Variants in IQCJ observed in about 807,000 individuals in gnomAD.
IQCJ encodes the protein IQ motif containing J, also known as IQ domain-containing protein J.
A neutral mutation model predicts 11.0 loss-of-function variants in IQCJ; 9 were observed. That is an observed-to-expected ratio of 0.82 (90% CI 0.49 to 1.43). The LOEUF is 1.43. IQCJ is among the 40% of genes most tolerant of loss of function. IQCJ has a pLI of 0.00. For missense variants in IQCJ, 146 were observed against 133.2 expected, an observed-to-expected ratio of 1.10 and a Z score of -0.47; for synonymous variants, 55 against 51.3, an observed-to-expected ratio of 1.07 and a Z score of -0.31.
chr3:159,219,595 AAG>A (rs1295672557), intron 1 of IQCJ, among the ~76,000 whole-genome samples: 1 of 152,216 alleles, frequency 6.6e-6, no homozygotes, highest in African/African-American at 2.4e-5. Context: ...GTTACTTGAA[AAG>A]AGAGTCAATT....
chr3:159,158,947 C>T (rs374616672), intron 1 of IQCJ, among the ~76,000 whole-genome samples: 2 of 152,172 alleles, frequency 1.3e-5, no homozygotes, highest in Non-Finnish European at 2.9e-5. Context: ...ACCCACAGGT[C>T]TCTAGAAACT....
At chr3:159,094,125 A>G (rs1305230387) in intron 1 of IQCJ, among the ~76,000 whole-genome samples, 1 of 151,800 alleles carries the variant, frequency 6.6e-6, no homozygotes, top group Non-Finnish European at 1.5e-5. Flanking sequence ...TCCAAAATCT[A>G]TGCTCCTAGC....
intron 1 of IQCJ, among the ~76,000 whole-genome samples, chr3:159,136,637 G>A (rs764406923): frequency 6.6e-6 from 1 of 152,124 alleles, no homozygotes; most frequent in African/African-American, 2.4e-5. Flanking sequence ...CCCTGACAGC[G>A]GGGTTCTCAC....
At chr3:159,169,283 T>C (rs201834390) in intron 1 of IQCJ, among the ~76,000 whole-genome samples, 25 of 137,604 alleles carry the variant, frequency 1.8e-4, no homozygotes, top group Non-Finnish European at 1.4e-4. Context: ...TTCTTTCTTT[T>C]TTTTTTTTTT....
chr3:159,188,954 T>C lies in IQCJ; in HGVS notation c.10-56889T>C, dbSNP rs141554321. 4.8e-3 allele frequency among the ~76,000 whole-genome samples: 730 copies of C among 152,304 alleles called. 5 individuals carry two copies. Among genetic ancestry groups the C allele is most frequent in the Admixed American group, 5.7e-3 (87 of 15,296 alleles). On this transcript the variant is annotated intron_variant, in intron 1 of 3. Transcript: ENST00000397832. ...TCTGAAGCCAGAGGGGACAGTGCTC[T>C]GAGCATGAAATTACAGGTTCAGTTG...
chr3:159,204,413 G>A (rs73166206), intron 1 of IQCJ, among the ~76,000 whole-genome samples: 3,349 of 152,340 alleles, frequency 0.022, 61 homozygotes, highest in Admixed American at 0.042. Context: ...CTTCTCTCAT[G>A]TCTGGCACCT....
chr3:159,092,145 T>C (rs184653436), intron 1 of IQCJ, among the ~76,000 whole-genome samples: 10 of 151,906 alleles, frequency 6.6e-5, no homozygotes, highest in African/African-American at 2.4e-4. Context: ...CACTTGACAT[T>C]ATCTGCTTCC....
At chr3:159,108,974 C>T (rs1052233007) in intron 1 of IQCJ, among the ~76,000 whole-genome samples, 1 of 152,138 alleles carries the variant, frequency 6.6e-6, no homozygotes, top group African/African-American at 2.4e-5. Context: ...TCCTGGGTCC[C>T]AGGACTGTAC....
At chr3:159,164,040 G>GA (rs1359953205) in intron 1 of IQCJ, among the ~76,000 whole-genome samples, 23 of 151,910 alleles carry the variant, frequency 1.5e-4, no homozygotes, top group Non-Finnish European at 2.9e-5. Flanking sequence ...AAGTAGTTTA[G>GA]AAAAAAAATC....
At chr3:159,071,981 G>A (rs1715594054) in intron 1 of IQCJ, among the ~76,000 whole-genome samples, 1 of 152,042 alleles carries the variant, frequency 6.6e-6, no homozygotes, top group South Asian at 2.1e-4. Flanking sequence ...GGCTGACCAT[G>A]CATCCATAGC....
intron 1 of IQCJ, among the ~76,000 whole-genome samples, chr3:159,222,899 C>T (rs961472044): frequency 1.3e-5 from 2 of 151,930 alleles, no homozygotes; most frequent in Non-Finnish European, 2.9e-5. Context: ...AAGACATATT[C>T]TAGTAAAGTT....
chr3:159,116,191 G>T (rs1164672230), intron 1 of IQCJ, among the ~76,000 whole-genome samples: 1 of 151,962 alleles, frequency 6.6e-6, no homozygotes, highest in East Asian at 1.9e-4. Flanking sequence ...CCATGTTAGT[G>T]CCACTGCACT....
At chr3:159,107,385 C>T (rs1428516815) in intron 1 of IQCJ, among the ~76,000 whole-genome samples, 1 of 152,128 alleles carries the variant, frequency 6.6e-6, no homozygotes, top group Non-Finnish European at 1.5e-5. Flanking sequence ...TGTGCTGGCA[C>T]CTTAATCTTG....
At chr3:159,167,449 C>A (rs545021990) in intron 1 of IQCJ, among the ~76,000 whole-genome samples, 1 of 152,036 alleles carries the variant, frequency 6.6e-6, no homozygotes, top group Non-Finnish European at 1.5e-5. Flanking sequence ...TTTTAGTGCA[C>A]CCTGCTAAAT....
chr3:159,111,574 G>T (rs1407373696), intron 1 of IQCJ, among the ~76,000 whole-genome samples: 1 of 152,104 alleles, frequency 6.6e-6, no homozygotes, highest in Non-Finnish European at 1.5e-5. Flanking sequence ...TACTGGGCTT[G>T]CATTCTGCTC....
intron 1 of IQCJ, among the ~76,000 whole-genome samples, chr3:159,217,538 G>A (rs979491682): frequency 3.3e-5 from 5 of 152,016 alleles, no homozygotes; most frequent in Admixed American, 2.6e-4. Context: ...TGTGTGTATT[G>A]TACTCAAAAC....
chr3:159,155,791 G>A (rs1721485894), intron 1 of IQCJ, among the ~76,000 whole-genome samples: 1 of 151,936 alleles, frequency 6.6e-6, no homozygotes, highest in African/African-American at 2.4e-5. Flanking sequence ...TGAAATTCTA[G>A]AAAAAAAGGT....
chr3:159,092,418 G>A (rs949292608), intron 1 of IQCJ, among the ~76,000 whole-genome samples: 2 of 151,836 alleles, frequency 1.3e-5, no homozygotes, highest in African/African-American at 4.9e-5. Context: ...AGACATTTTA[G>A]GCCTGGCGCT....
chr3:159,205,041 C>T (rs1393304928), intron 1 of IQCJ, among the ~76,000 whole-genome samples: 1 of 152,140 alleles, frequency 6.6e-6, no homozygotes, highest in African/African-American at 2.4e-5. Context: ...TGACCAGCAG[C>T]AAGTAGTTCT....
Sources: allele counts gnomAD v4.1 joint callset (sites outside exome capture counted in the v4.1 genomes callset), GRCh38; gene constraint gnomAD v4.1.1; transcripts MANE v1.5; gene names NCBI Gene and HGNC (gene_info 2026-07-23, HGNC 2026-07-21).